PSEN1: variants seen among roughly 807,000 people sequenced by gnomAD.
PSEN1 encodes the protein presenilin 1.
PSEN1 carries 15 observed loss-of-function variants against 53.5 expected under a neutral mutation model. The observed-to-expected ratio is 0.28, with a 90% CI of 0.19 to 0.43. The LOEUF (loss-of-function observed/expected upper bound fraction) is 0.43. PSEN1 is among the 20% of genes least tolerant of loss of function. The pLI is 1.00. For missense variants in PSEN1, 387 were observed against 571.2 expected, an observed-to-expected ratio of 0.68 and a Z score of 3.29; for synonymous variants, 208 against 209.8, an observed-to-expected ratio of 0.99 and a Z score of 0.08.
intron 10 of PSEN1, among the ~76,000 whole-genome samples, chr14:73,214,253 G>A (rs1015314543): frequency 2.0e-5 from 3 of 152,144 alleles, no homozygotes; most frequent in African/African-American, 4.8e-5. Flanking sequence ...CTATTGCTGG[G>A]CGCAGTGGCT....
intron 3 of PSEN1, among the ~76,000 whole-genome samples, chr14:73,165,356 G>A (rs1453694806): frequency 1.3e-5 from 2 of 152,138 alleles, no homozygotes; most frequent in Non-Finnish European, 2.9e-5. Context: ...TGGCTCAAAC[G>A]AATTCCTAGG....
intron 6 of PSEN1, among the ~76,000 whole-genome samples, chr14:73,189,564 A>G (rs887569839): frequency 6.6e-6 from 1 of 152,190 alleles, no homozygotes; most frequent in African/African-American, 2.4e-5. Flanking sequence ...GTGAGCCGAG[A>G]TCGCACCATT....
chr14:73,149,321 GTTTTTT>G (rs562425953), intron 3 of PSEN1, among the ~76,000 whole-genome samples: 1 of 144,896 alleles, frequency 6.9e-6, no homozygotes, highest in Non-Finnish European at 1.5e-5. Context: ...GAGGTTCTGT[GTTTTTT>G]TTTTTTTAAT....
At chr14:73,144,511 C>A (rs781049812) in intron 1 of PSEN1, among the ~76,000 whole-genome samples, 3 of 152,144 alleles carry the variant, frequency 2.0e-5, no homozygotes, top group Non-Finnish European at 4.4e-5. Flanking sequence ...ATACCGTAAT[C>A]CTCATTGCTG....
intron 3 of PSEN1, among the ~76,000 whole-genome samples, chr14:73,158,282 T>TTCTATCTA (rs56240305): frequency 0.1 from 14,565 of 141,438 alleles, 809 homozygotes; most frequent in East Asian, 0.12. Context: ...TAACTTTTTT[T>TTCTATCTA]TCTATCTATC....
At chr14:73,185,465 T>C (rs1291914885) in intron 5 of PSEN1, among the ~76,000 whole-genome samples, 1 of 152,112 alleles carries the variant, frequency 6.6e-6, no homozygotes, top group East Asian at 1.9e-4. Context: ...CGTGGCGGCG[T>C]GAGTCTGCAA....
chr14:73,156,214 G>C (rs971742832), intron 3 of PSEN1, among the ~76,000 whole-genome samples: 1 of 151,894 alleles, frequency 6.6e-6, no homozygotes, highest in Non-Finnish European at 1.5e-5. Context: ...TAATTAACTG[G>C]GTGTGGTGGC....
At chr14:73,218,876 TATTTTC>T (rs1413734297) in intron 11 of PSEN1, among the ~76,000 whole-genome samples, 1 of 152,258 alleles carries the variant, frequency 6.6e-6, no homozygotes, top group Admixed American at 6.5e-5. Context: ...TAGTTTTACT[TATTTTC>T]AGATTCTATT....
intron 3 of PSEN1, among the ~76,000 whole-genome samples, chr14:73,153,948 A>C (rs1897291252): frequency 6.6e-6 from 1 of 152,054 alleles, no homozygotes; most frequent in Non-Finnish European, 1.5e-5. Context: ...TCCTGACCTC[A>C]AGTGATCTGA....
intron 10 of PSEN1, among the ~76,000 whole-genome samples, chr14:73,212,482 T>G (rs896489604): frequency 2.0e-5 from 3 of 152,202 alleles, no homozygotes; most frequent in Non-Finnish European, 4.4e-5. Context: ...AAAAGATTTG[T>G]TTTTTTAATT....
At chr14:73,189,519 G>A (rs1482445165) in intron 6 of PSEN1, among the ~76,000 whole-genome samples, 1 of 152,174 alleles carries the variant, frequency 6.6e-6, no homozygotes, top group Admixed American at 6.5e-5. Context: ...GGCTGAGGCA[G>A]GAGAGTGGCG....
chr14:73,186,942 C>A, intron 6 of PSEN1, 22 bp downstream of exon 6: 1 of 1,582,662 alleles, frequency 6.3e-7, no homozygotes, highest in South Asian at 1.1e-5. Flanking sequence ...AATTTTTGGT[C>A]TGTCTTTCAG....
intron 7 of PSEN1, 190 bp from the exon 8 acceptor site, chr14:73,197,841 T>A: frequency 1.7e-6 from 1 of 586,836 alleles, no homozygotes; most frequent in South Asian, 2.0e-5. Flanking sequence ...GTCATTTTAT[T>A]TTGTTTATGT....
chr14:73,187,874 A>G (rs2140082688), intron 6 of PSEN1, among the ~76,000 whole-genome samples: 1 of 152,360 alleles, frequency 6.6e-6, no homozygotes, highest in African/African-American at 2.4e-5. Flanking sequence ...TTGGTCGGTT[A>G]TATTTATTGA....
At chr14:73,197,039 TCTC>T (rs1327652074) in intron 7 of PSEN1, among the ~76,000 whole-genome samples, 1 of 151,216 alleles carries the variant, frequency 6.6e-6, no homozygotes, top group Non-Finnish European at 1.5e-5. Flanking sequence ...TTCACGCCGT[TCTC>T]CTGCCTCAGC....
chr14:73,161,841 G>A (rs1218210429), intron 3 of PSEN1, among the ~76,000 whole-genome samples: 2 of 151,998 alleles, frequency 1.3e-5, no homozygotes, highest in East Asian at 3.9e-4. Context: ...ATGACCCAAT[G>A]CCTCATGTAA....
At chr14:73,207,618 G>C (rs950305768) in intron 9 of PSEN1, among the ~76,000 whole-genome samples, 1 of 152,218 alleles carries the variant, frequency 6.6e-6, no homozygotes, top group Admixed American at 6.5e-5. Flanking sequence ...GCAGAACAAG[G>C]TCATGTTAGA....
At chr14:73,202,447 T>TAC (rs1899250009) in intron 8 of PSEN1, among the ~76,000 whole-genome samples, 3 of 18,120 alleles carry the variant, frequency 1.7e-4, no homozygotes, top group Non-Finnish European at 2.1e-4. Flanking sequence ...TATATATATA[T>TAC]ATATATATAT....
intron 3 of PSEN1, among the ~76,000 whole-genome samples, chr14:73,151,258 A>G (rs769591585): frequency 1.3e-5 from 2 of 152,226 alleles, no homozygotes; most frequent in Non-Finnish European, 2.9e-5. Flanking sequence ...CTGTTTACAA[A>G]CATTTGGTAG....
Sources: allele counts gnomAD v4.1 joint callset (sites outside exome capture counted in the v4.1 genomes callset), GRCh38; gene constraint gnomAD v4.1.1; transcripts MANE v1.5; gene names NCBI Gene and HGNC (gene_info 2026-07-23, HGNC 2026-07-21).